ANKRD50: variants seen among roughly 807,000 people sequenced by gnomAD.
ANKRD50 encodes the protein ankyrin repeat domain 50, also known as ankyrin repeat domain-containing protein 50.
Under a neutral mutation model 112.0 loss-of-function variants are expected in ANKRD50, and 40 were observed. The ratio of observed to expected loss-of-function variants is 0.36; its 90% CI spans 0.28 to 0.46. The LOEUF (loss-of-function observed/expected upper bound fraction) is 0.46, where lower values mean the gene tolerates loss of function less well. Ranked by LOEUF, ANKRD50 falls within the 20% of genes least tolerant of loss-of-function variation. ANKRD50 has a pLI of 1.00. For missense variants in ANKRD50, 1,487 were observed against 1,701.7 expected, an observed-to-expected ratio of 0.87 and a Z score of 2.22; for synonymous variants, 613 against 619.1, an observed-to-expected ratio of 0.99 and a Z score of 0.15.
rs763502683 is a variant in ANKRD50, at chr4:124,670,895, T to C, written c.2382A>G (p.Ala794=). 1.2e-5 allele frequency: 20 copies of C among 1,613,856 alleles called. No individual in the cohort carries two copies. The highest frequency in any genetic ancestry group is 1.6e-5 in the Non-Finnish European group (19 of 1,179,882). The part of the protein sequence containing the change: ...PLLAAASMGH[A]SVVNTLLFWG... Reference sequence around the variant, plus strand: ...AAAACAAAAGTGTATTTACAACTGATGCATGACCCATAGACGCTGCTGCTA... The same window carrying C: ...AAAACAAAAGTGTATTTACAACTGACGCATGACCCATAGACGCTGCTGCTA... The change falls in exon 4 of 5, where the codon GCA becomes GCG. Residue 794 remains alanine (A), a synonymous_variant. Transcript: ENST00000504087.
At chr4:124,699,923 T>C (rs1297033702) in intron 2 of ANKRD50, among the ~76,000 whole-genome samples, 2 of 152,068 alleles carry the variant, frequency 1.3e-5, no homozygotes, top group Non-Finnish European at 2.9e-5. Flanking sequence ...TACTGTATTA[T>C]AAGCCCTGGA....
At chr4:124,706,430 T>C (rs28622220) in intron 2 of ANKRD50, among the ~76,000 whole-genome samples, 1,539 of 152,220 alleles carry the variant, frequency 0.01, 32 homozygotes, top group African/African-American at 0.035. Flanking sequence ...TATTATGAAC[T>C]AGTAATTAAC....
At chr4:124,704,442 C>A (rs1373006497) in intron 2 of ANKRD50, among the ~76,000 whole-genome samples, 1 of 152,116 alleles carries the variant, frequency 6.6e-6, no homozygotes, top group Non-Finnish European at 1.5e-5. Context: ...AGATATCTGG[C>A]CACTTAAAAC....
intron 2 of ANKRD50, among the ~76,000 whole-genome samples, chr4:124,694,920 C>T (rs775212505): frequency 8.6e-5 from 13 of 151,142 alleles, no homozygotes; most frequent in African/African-American, 2.2e-4. Flanking sequence ...CTTACAATGC[C>T]GAGAAAGAGA....
rs1267309246 is a variant in ANKRD50 at position 124,710,490 on chromosome 4, T to C, written c.22A>G (p.Lys8Glu). 1.9e-6 allele frequency: 3 copies of C among 1,612,770 alleles called. No homozygotes were observed. In the Admixed American group the frequency reaches 5.0e-5, roughly 27 times the overall value. MTNPWEE[K>E]VCKMAQTSLL... ...CTGGTTTGAGCCATTTTGCAGACTTTCTCTTCCCAAGGATTAGTCATAACG... is the reference window on the plus strand; with the variant it reads ...CTGGTTTGAGCCATTTTGCAGACTTCCTCTTCCCAAGGATTAGTCATAACG... Residue 8 changes from lysine (K) to glutamate (E), a missense_variant, in exon 2 of 5, where the codon AAA becomes GAA. By Grantham distance (56) the Lys-to-Glu change is moderately conservative (BLOSUM62 1). This residue lies in a region of ANKRD50 where 1,046 missense variants were observed against 1,269.5 expected (regional missense o/e 0.82). Coordinates refer to ENST00000504087, the MANE Select transcript of ANKRD50 (RefSeq NM_020337.3).
At chr4:124,684,101 A>G (rs1352402732) in intron 2 of ANKRD50, among the ~76,000 whole-genome samples, 1 of 152,006 alleles carries the variant, frequency 6.6e-6, no homozygotes, top group African/African-American at 2.4e-5. Context: ...AATTGTTTTC[A>G]TTTAAGGCAA....
chr4:124,670,500 C>T lies in ANKRD50; in HGVS notation c.2777G>A (p.Arg926Lys). The T allele has an allele frequency of 1.9e-6, 3 of 1,613,720 alleles. No individual in the cohort carries two copies. Among genetic ancestry groups the T allele is most frequent in the Non-Finnish European group, 2.5e-6 (3 of 1,179,864 alleles). ...ALRVAALEGHRDIVELLFSHG... is the reference protein window; with the variant it reads ...ALRVAALEGHKDIVELLFSHG... Reference sequence around the variant, plus strand: ...GCTAAAAAGCAATTCAACAATGTCCCTGTGCCCTTCTAATGCAGCAACCCG... The same window carrying T: ...GCTAAAAAGCAATTCAACAATGTCCTTGTGCCCTTCTAATGCAGCAACCCG... Residue 926 changes from arginine (R) to lysine (K), a missense_variant, in exon 4 of 5, where the codon AGG (arginine) becomes AAG (lysine). Around this residue, in one of 2 missense-constraint regions of ANKRD50, gnomAD observed 1,046 missense variants for 1,269.5 expected, o/e 0.82. Coordinates refer to ENST00000504087, the MANE Select transcript of ANKRD50 (RefSeq NM_020337.3).
In ANKRD50 at chr4:124,672,292, T is replaced by C. The variant is rs1730679711; in HGVS notation, c.985A>G (p.Thr329Ala). ...MLREIRDIPGTLNGLYLWLCQ... is the reference protein window; with the variant it reads ...MLREIRDIPGALNGLYLWLCQ... ...AGCCAGAGATATAAACCATTTAGAG[T>C]TCCTGGGATGTCACGAATTTCTCTT... The change falls in exon 4 of 5, where the codon ACT (threonine) becomes GCT (alanine). Residue 329 changes from threonine to alanine, a missense_variant. Coordinates refer to ENST00000504087, the MANE Select transcript of ANKRD50 (RefSeq NM_020337.3). The C allele has an allele frequency of 6.2e-7, 1 of 1,613,568 alleles. No homozygotes were observed.
In ANKRD50 at chr4:124,670,437, C is replaced by A; in HGVS notation, c.2840G>T (p.Arg947Leu). 1 of 1,613,782 alleles carries A rather than the reference C, an allele frequency of 6.2e-7. No homozygotes were observed. The highest frequency in any genetic ancestry group is 8.5e-7 in the Non-Finnish European group (1 of 1,179,874). ...ADVNCKDADG[R>L]PTLYILALEN... ...TAAGGCCAAGATATAAAGTGTAGGC[C>A]GACCATCAGCATCTTTGCAGTTAAC... The change falls in exon 4 of 5, where the codon CGG (arginine) becomes CTG (leucine). Residue 947 changes from arginine (R) to leucine (L), a missense_variant. By Grantham distance (102) the Arg-to-Leu change is moderately radical. Coordinates refer to ENST00000504087, the MANE Select transcript of ANKRD50 (RefSeq NM_020337.3).
Position 124,669,532 on chromosome 4 carries a change from G to C in ANKRD50, c.3745C>G (p.Pro1249Ala), listed in dbSNP as rs190298082. Residue 1249 changes from proline (P) to alanine (A), a missense_variant, in exon 4 of 5, where the codon CCA becomes GCA. By Grantham distance (27) the Pro-to-Ala change is conservative. This residue lies in a region of ANKRD50 where 441 missense variants were observed against 432.2 expected (regional missense o/e 1.02). Transcript: ENST00000504087. ...TQSLGQSHNS[P>A]SSEFEWSQVK... ...TGACTCCACTCAAATTCACTACTTGGTGAATTATGACTCTGTCCTAAGGAC... is the reference window on the plus strand; with the variant it reads ...TGACTCCACTCAAATTCACTACTTGCTGAATTATGACTCTGTCCTAAGGAC... The C allele has an allele frequency of 1.9e-6, 3 of 1,612,826 alleles. No individual in the cohort carries two copies. The African/African-American group carries it at 4.0e-5, about 22-fold the overall frequency.
intron 3 of ANKRD50, 68 bp downstream of exon 3, chr4:124,678,607 CT>C: frequency 7.0e-7 from 1 of 1,420,362 alleles, no homozygotes; most frequent in Non-Finnish European, 9.8e-7. Context: ...CAACTGCATA[CT>C]TTTTCCTCTA....
intron 3 of ANKRD50, among the ~76,000 whole-genome samples, chr4:124,675,417 A>T (rs543097132): frequency 6.6e-6 from 1 of 151,954 alleles, no homozygotes; most frequent in African/African-American, 2.4e-5. Context: ...AAGTTTAAGC[A>T]AATGCCAGCA....
intron 3 of ANKRD50, among the ~76,000 whole-genome samples, chr4:124,676,437 T>C (rs1316779510): frequency 2.0e-5 from 3 of 151,520 alleles, no homozygotes; most frequent in Non-Finnish European, 4.4e-5. Flanking sequence ...ATTTGCATAA[T>C]AATGCTAACA....
chr4:124,708,070 T>C (rs1233391450), intron 2 of ANKRD50, among the ~76,000 whole-genome samples: 1 of 152,126 alleles, frequency 6.6e-6, no homozygotes, highest in Non-Finnish European at 1.5e-5. Flanking sequence ...TTGAAAGTTA[T>C]TGGTAGGTGT....
In ANKRD50 at chr4:124,670,656, T is replaced by C. The variant is rs1439315466; in HGVS notation, c.2621A>G (p.Asn874Ser). The C allele has an allele frequency of 1.2e-6, 2 of 1,613,494 alleles. No individual in the cohort carries two copies. Among genetic ancestry groups the C allele is most frequent in the African/African-American group, 2.7e-5 (2 of 74,880 alleles). The change falls in exon 4 of 5, where the codon AAT (asparagine) becomes AGT (serine). Residue 874 changes from asparagine to serine, a missense_variant. Physicochemically the swap from Asn to Ser is conservative, Grantham distance 46. Transcript: ENST00000504087. ...GATTCGTCCATCATTGTCAATCTCATTTGTTCTAGCACCTTGTTCAATAAG... is the reference window on the plus strand; with the variant it reads ...GATTCGTCCATCATTGTCAATCTCACTTGTTCTAGCACCTTGTTCAATAAG... ...EALIEQGART[N>S]EIDNDGRIPF...
chr4:124,670,615 A>G lies in ANKRD50; in HGVS notation c.2662T>C (p.Ser888Pro). The change falls in exon 4 of 5, where the codon TCA becomes CCA. Residue 888 changes from serine (S) to proline (P), a missense_variant. Ser to Pro is a moderately conservative substitution (Grantham distance 74). Coordinates refer to ENST00000504087, the MANE Select transcript of ANKRD50 (RefSeq NM_020337.3). ...ACACAATCATAATGACCCTCTTGTG[A>G]AGCTAATATGAAAGGGATTCGTCCA... is the stretch of plus-strand genomic sequence containing the variant. The part of the protein sequence containing the change: ...NDGRIPFILA[S>P]QEGHYDCVQI... 1 of 1,613,516 alleles carries G rather than the reference A, an allele frequency of 6.2e-7. No homozygotes were observed. Among genetic ancestry groups the G allele is most frequent in the Non-Finnish European group, 8.5e-7 (1 of 1,179,806 alleles).
At chr4:124,690,434 GAA>G (rs1167080920) in intron 2 of ANKRD50, among the ~76,000 whole-genome samples, 1 of 152,126 alleles carries the variant, frequency 6.6e-6, no homozygotes, top group Non-Finnish European at 1.5e-5. Context: ...AATCTTCTGA[GAA>G]AAGTCTTTTT....
chr4:124,676,316 C>G, intron 3 of ANKRD50, among the ~76,000 whole-genome samples: 1 of 151,512 alleles, frequency 6.6e-6, no homozygotes, highest in Non-Finnish European at 1.5e-5. Context: ...TATGCTATTA[C>G]AACCTAGAGG....
At chr4:124,695,578 C>T (rs1165518035) in intron 2 of ANKRD50, among the ~76,000 whole-genome samples, 1 of 152,090 alleles carries the variant, frequency 6.6e-6, no homozygotes, top group East Asian at 1.9e-4. Context: ...TGAAATCTCT[C>T]GTAGTATCTT....
Sources: gnomAD v4.1 joint callset for allele counts (sites outside exome capture counted in the v4.1 genomes callset) on GRCh38, gnomAD v4.1.1 for gene constraint, gnomAD v4.1.1 regional missense constraint, MANE v1.5 for transcripts, NCBI Gene and HGNC (gene_info 2026-07-23, HGNC 2026-07-21) for gene names.